Variants in BOLL observed in about 807,000 individuals in gnomAD.
The protein encoded by BOLL is protein boule-like.
A neutral mutation model predicts 44.4 loss-of-function variants in BOLL; 23 were observed. The observed-to-expected ratio is 0.52, with a 90% CI of 0.37 to 0.73. BOLL has a LOEUF of 0.73. Among genes scored for constraint, BOLL ranks in the 30% least tolerant of loss-of-function variants. The probability of loss-of-function intolerance (pLI) is 0.00; values close to 1 mark genes in which losing one functional copy is unlikely to be tolerated. For missense variants in BOLL, 287 were observed against 338.3 expected, an observed-to-expected ratio of 0.85 and a Z score of 1.19; for synonymous variants, 97 against 110.8, an observed-to-expected ratio of 0.88 and a Z score of 0.78.
intron 3 of BOLL, among the ~76,000 whole-genome samples, chr2:197,777,611 C>T (rs1045982691): frequency 5.3e-5 from 8 of 151,572 alleles, no homozygotes; most frequent in African/African-American, 1.9e-4. Flanking sequence ...AGTATATTCC[C>T]AAACAATATC....
At chr2:197,734,981 T>C (rs1323889703) in intron 10 of BOLL, among the ~76,000 whole-genome samples, 3 of 151,984 alleles carry the variant, frequency 2.0e-5, no homozygotes, top group Non-Finnish European at 4.4e-5. Context: ...AAAAGAATTC[T>C]ATTTAAAGTC....
chr2:197,735,340 A>G (rs1355860079), intron 10 of BOLL, among the ~76,000 whole-genome samples: 1 of 152,062 alleles, frequency 6.6e-6, no homozygotes, highest in Non-Finnish European at 1.5e-5. Context: ...TTTATTGATA[A>G]TTTCCTCCAA....
At position 197,756,530 on chromosome 2, in the gene BOLL, T is replaced by C; in HGVS notation, c.627A>G (p.Leu209=). ...PQPSASSAPF[L]YLQPSEVIYQ... ...AAATAACCTCAGAAGGTTGCAGGTA[T>C]AAGAATGGAGCAGAAGAGGCAGAAG... The change falls in exon 9 of 11, where the codon TTA becomes TTG. Residue 209 remains leucine, a synonymous_variant. Transcript: ENST00000392296. 1 of 1,611,584 alleles carries C rather than the reference T, an allele frequency of 6.2e-7. No homozygotes were observed. Among genetic ancestry groups the C allele is most frequent in the Non-Finnish European group, 8.5e-7 (1 of 1,178,388 alleles).
chr2:197,750,041 C>T (rs1281459496), intron 9 of BOLL, among the ~76,000 whole-genome samples: 1 of 152,116 alleles, frequency 6.6e-6, no homozygotes, highest in East Asian at 1.9e-4. Flanking sequence ...CATATCCAGC[C>T]AAACTAAGCT....
chr2:197,755,165 T>G (rs1430557152), intron 9 of BOLL, among the ~76,000 whole-genome samples: 1 of 152,188 alleles, frequency 6.6e-6, no homozygotes, highest in African/African-American at 2.4e-5. Flanking sequence ...CACTGATCAT[T>G]GGAGAAATGC....
At chr2:197,729,507 G>A (rs1292268945) in intron 10 of BOLL, among the ~76,000 whole-genome samples, 2 of 152,172 alleles carry the variant, frequency 1.3e-5, no homozygotes, top group Admixed American at 6.5e-5. Flanking sequence ...CCACCTCTGG[G>A]GGCAGGGCAC....
rs191550933 is a variant in BOLL at position 197,761,068 on chromosome 2, C to G, written c.553-3668G>C. On this transcript the variant is annotated intron_variant, in intron 7 of 10. Coordinates refer to ENST00000392296, the MANE Select transcript of BOLL (RefSeq NM_033030.6). ...AGGTGTGGTGGCTCATACTTGTAAT[C>G]CCAGTGCTTTGGGAGACTAAGGCAG... Among the ~76,000 whole-genome samples, 360 of 152,198 alleles carry G rather than the reference C, an allele frequency of 2.4e-3. 2 individuals carry two copies. Among genetic ancestry groups the G allele is most frequent in the Non-Finnish European group, 4.2e-3 (284 of 68,000 alleles).
intron 7 of BOLL, among the ~76,000 whole-genome samples, chr2:197,759,552 C>T (rs1688661607): frequency 6.6e-6 from 1 of 152,150 alleles, no homozygotes; most frequent in African/African-American, 2.4e-5. Context: ...TGCACGTCTC[C>T]AGTACTGGGG....
intron 1 of BOLL, among the ~76,000 whole-genome samples, chr2:197,783,014 A>C (rs867947300): frequency 5.9e-5 from 9 of 152,264 alleles, no homozygotes; most frequent in Middle Eastern, 3.4e-3. Flanking sequence ...CTGAAAAAAA[A>C]CCCAAGACTT....
chr2:197,733,496 A>G (rs920099314), intron 10 of BOLL, among the ~76,000 whole-genome samples: 17 of 151,686 alleles, frequency 1.1e-4, no homozygotes, highest in African/African-American at 3.9e-4. Flanking sequence ...AAGAGCCCGC[A>G]TCGCCAAGTC....
chr2:197,778,949 C>T (rs752809620), intron 3 of BOLL, 26 bp downstream of exon 3: 2 of 1,569,396 alleles, frequency 1.3e-6, no homozygotes, highest in African/African-American at 2.7e-5. Flanking sequence ...TTGCTAATTC[C>T]ATAGACAATC....
chr2:197,783,758 A>G (rs1689906004), intron 1 of BOLL, among the ~76,000 whole-genome samples: 1 of 152,196 alleles, frequency 6.6e-6, no homozygotes, highest in South Asian at 2.1e-4. Context: ...TAATTCTGGA[A>G]TGCTTAGTAT....
chr2:197,781,629 ATATGT>A (rs1200484073), intron 2 of BOLL, 88 bp downstream of exon 2: 107 of 1,187,704 alleles, frequency 9.0e-5, no homozygotes, highest in South Asian at 2.0e-4. Flanking sequence ...CATTATGCAA[ATATGT>A]TATTTTATAG....
At chr2:197,749,291 C>T (rs1688128892) in intron 9 of BOLL, among the ~76,000 whole-genome samples, 2 of 152,118 alleles carry the variant, frequency 1.3e-5, no homozygotes, top group South Asian at 4.1e-4. Context: ...AAAACCAGCA[C>T]AAAAAGGCTG....
chr2:197,777,384 A>G (rs1689567908), intron 3 of BOLL, among the ~76,000 whole-genome samples: 1 of 151,884 alleles, frequency 6.6e-6, no homozygotes. Context: ...CAAGAGATTC[A>G]TGCTGTTGCT....
At chr2:197,766,843 G>GT (rs1287349242) in intron 6 of BOLL, among the ~76,000 whole-genome samples, 2 of 151,952 alleles carry the variant, frequency 1.3e-5, no homozygotes, top group African/African-American at 2.4e-5. Flanking sequence ...CAGAAAAGTT[G>GT]TTTTTAGTCT....
intron 10 of BOLL, among the ~76,000 whole-genome samples, chr2:197,730,081 T>C (rs1157747608): frequency 7.8e-6 from 1 of 128,812 alleles, no homozygotes; most frequent in East Asian, 2.1e-4. Flanking sequence ...TTTAGAAGAA[T>C]GTATAACTAG....
intron 10 of BOLL, among the ~76,000 whole-genome samples, chr2:197,741,528 C>T (rs917531873): frequency 6.6e-6 from 1 of 152,202 alleles, no homozygotes; most frequent in Admixed American, 6.5e-5. Context: ...ACTATCTGAT[C>T]TTTGACAAGC....
chr2:197,763,479 T>TAAA (rs34230740), intron 7 of BOLL, among the ~76,000 whole-genome samples: 2 of 127,590 alleles, frequency 1.6e-5, no homozygotes, highest in African/African-American at 3.0e-5. Context: ...GAGTCCGTCT[T>TAAA]AAAAAAAAAA....
Sources: allele counts gnomAD v4.1 joint callset (sites outside exome capture counted in the v4.1 genomes callset), GRCh38; gene constraint gnomAD v4.1.1; transcripts MANE v1.5; gene names NCBI Gene and HGNC (gene_info 2026-07-23, HGNC 2026-07-21).